The following ST6GAL1 variants were observed in gnomAD, a reference collection of about 807,000 sequenced individuals.
The protein encoded by ST6GAL1 is ST6 beta-galactoside alpha-2,6-sialyltransferase 1.
In ST6GAL1, 20 loss-of-function variants were observed where a neutral mutation model predicts 38.0. The observed-to-expected ratio is 0.53, with a 90% CI of 0.37 to 0.77. The LOEUF (loss-of-function observed/expected upper bound fraction) is 0.77. ST6GAL1 is among the 30% of genes least tolerant of loss of function. The pLI is 0.00. For synonymous variants in ST6GAL1, 196 were observed against 188.2 expected, an observed-to-expected ratio of 1.04 and a Z score of -0.34; for missense variants, 432 against 496.4, an observed-to-expected ratio of 0.87 and a Z score of 1.23.
intron 2 of ST6GAL1, among the ~76,000 whole-genome samples, chr3:186,968,403 T>C (rs1715225280): frequency 6.6e-6 from 1 of 152,212 alleles, no homozygotes; most frequent in Admixed American, 6.5e-5. Context: ...CATACTTAAA[T>C]TGTACAACTT....
chr3:186,943,375 C>T (rs1216032631), intron 1 of ST6GAL1, among the ~76,000 whole-genome samples: 1 of 152,216 alleles, frequency 6.6e-6, no homozygotes, highest in East Asian at 1.9e-4. Flanking sequence ...GGACTTGAGG[C>T]TGGAACCATT....
At chr3:187,009,659 TA>T (rs889637434) in intron 2 of ST6GAL1, among the ~76,000 whole-genome samples, 1 of 151,950 alleles carries the variant, frequency 6.6e-6, no homozygotes, top group Non-Finnish European at 1.5e-5. Flanking sequence ...ATAAATGTTT[TA>T]AAAGTAAAAA....
chr3:186,994,786 A>G (rs1579305440), intron 2 of ST6GAL1, among the ~76,000 whole-genome samples: 1 of 152,026 alleles, frequency 6.6e-6, no homozygotes, highest in East Asian at 1.9e-4. Flanking sequence ...TCTACTAAAA[A>G]CACAAAATTT....
intron 5 of ST6GAL1, among the ~76,000 whole-genome samples, chr3:187,057,467 G>A (rs976733585): frequency 6.6e-6 from 1 of 152,160 alleles, no homozygotes; most frequent in African/African-American, 2.4e-5. Flanking sequence ...TTTTGATGAT[G>A]GTTTTGGTGT....
chr3:186,981,973 C>G (rs1715711297), intron 2 of ST6GAL1, among the ~76,000 whole-genome samples: 1 of 151,788 alleles, frequency 6.6e-6, no homozygotes, highest in African/African-American at 2.4e-5. Flanking sequence ...TCTATTTTCT[C>G]ATTTAATTCT....
intron 2 of ST6GAL1, among the ~76,000 whole-genome samples, chr3:187,016,968 C>T (rs1284056100): frequency 6.6e-6 from 1 of 152,234 alleles, no homozygotes; most frequent in Non-Finnish European, 1.5e-5. Context: ...TCACTTTGGC[C>T]TACTAATCAA....
At chr3:187,029,660 G>A (rs148127443) in intron 2 of ST6GAL1, among the ~76,000 whole-genome samples, 7 of 152,334 alleles carry the variant, frequency 4.6e-5, no homozygotes, top group Middle Eastern at 3.4e-3. Context: ...AACTTGAAGT[G>A]AAATCAGTAA....
intron 2 of ST6GAL1, among the ~76,000 whole-genome samples, chr3:187,020,986 A>G (rs1272406176): frequency 2.0e-5 from 3 of 149,506 alleles, no homozygotes; most frequent in Admixed American, 2.0e-4. Context: ...TTTTTTTGAG[A>G]TGGAGTCTCG....
chr3:187,003,293 C>T (rs141099251), intron 2 of ST6GAL1, among the ~76,000 whole-genome samples: 2 of 152,184 alleles, frequency 1.3e-5, no homozygotes, highest in Non-Finnish European at 2.9e-5. Flanking sequence ...GGCCTTTAAC[C>T]GATTGGATAA....
At position 187,075,482 on chromosome 3, in the gene ST6GAL1, A is replaced by G. The variant is rs1362494121; in HGVS notation, c.980-80A>G. 1 of 1,562,760 alleles carries G rather than the reference A, an allele frequency of 6.4e-7. No individual in the cohort carries two copies. The highest frequency in any genetic ancestry group is 8.7e-7 in the Non-Finnish European group (1 of 1,152,536). On this transcript the variant is annotated intron_variant, in intron 7 of 7. Coordinates refer to ENST00000169298, the MANE Select transcript of ST6GAL1 (RefSeq NM_173216.2). The surrounding 1 kb of genome is among the most constrained non-coding windows in gnomAD (Gnocchi z 4.1). ...AAAGCTCTCCAAATTTGGGGTCATGAGCTGCTGAACCCACTGGGCAGAGCT... is the reference window on the plus strand; with the variant it reads ...AAAGCTCTCCAAATTTGGGGTCATGGGCTGCTGAACCCACTGGGCAGAGCT...
chr3:186,933,751 A>G (rs1713844040), intron 1 of ST6GAL1, among the ~76,000 whole-genome samples: 2 of 152,244 alleles, frequency 1.3e-5, no homozygotes, highest in Non-Finnish European at 2.9e-5. Flanking sequence ...GTAAAAGGGA[A>G]ATGGTTGCAT....
At chr3:187,031,093 A>T (rs1437501132) in intron 2 of ST6GAL1, among the ~76,000 whole-genome samples, 1 of 152,184 alleles carries the variant, frequency 6.6e-6, no homozygotes, top group Non-Finnish European at 1.5e-5. Flanking sequence ...CAAACAGATA[A>T]ATGTCACATA....
chr3:187,055,377 A>G (rs1351826054), intron 5 of ST6GAL1, among the ~76,000 whole-genome samples: 1 of 151,776 alleles, frequency 6.6e-6, no homozygotes, highest in Non-Finnish European at 1.5e-5. Flanking sequence ...TTGCTTCTCT[A>G]GTTCTTTTAA....
intron 2 of ST6GAL1, among the ~76,000 whole-genome samples, chr3:186,998,472 A>G (rs935685447): frequency 6.6e-6 from 1 of 152,176 alleles, no homozygotes; most frequent in Non-Finnish European, 1.5e-5. Context: ...GGATCCTCAT[A>G]AAGGTCTTCA....
chr3:186,951,743 A>G (rs1226838733), intron 1 of ST6GAL1, among the ~76,000 whole-genome samples: 1 of 152,226 alleles, frequency 6.6e-6, no homozygotes, highest in Non-Finnish European at 1.5e-5. Flanking sequence ...GAAAACTTTC[A>G]TACCTTTTGT....
chr3:187,010,083 G>A (rs894450983), intron 2 of ST6GAL1, among the ~76,000 whole-genome samples: 2 of 152,180 alleles, frequency 1.3e-5, no homozygotes, highest in Non-Finnish European at 2.9e-5. Flanking sequence ...AAGAGGACAA[G>A]TTAAATTGTC....
chr3:187,042,754 T>C lies in ST6GAL1; in HGVS notation c.51T>C (p.Phe17=). ...AGTTCAGCTGCTGCGTCCTGGTCTT[T>C]CTTCTGTTTGCAGTCATCTGTGTGT... ...KKKFSCCVLV[F]LLFAVICVWK... Residue 17 remains phenylalanine (F), a synonymous_variant, in exon 4 of 8, where the codon TTT becomes TTC. Transcript: ENST00000169298. 6.2e-7 allele frequency: 1 copy of C among 1,614,126 alleles called. No homozygotes were observed. Among genetic ancestry groups the C allele is most frequent in the Non-Finnish European group, 8.5e-7 (1 of 1,180,008 alleles).
chr3:187,026,649 C>T (rs74477803), intron 2 of ST6GAL1, among the ~76,000 whole-genome samples: 10,618 of 152,228 alleles, frequency 0.07, 518 homozygotes, highest in Non-Finnish European at 0.11. Flanking sequence ...AGACTAGAGC[C>T]TGAGTGAACT....
chr3:186,984,823 C>CT (rs1715844800), intron 2 of ST6GAL1, among the ~76,000 whole-genome samples: 1 of 38,878 alleles, frequency 2.6e-5, no homozygotes, highest in Admixed American at 2.9e-4. Flanking sequence ...TTCCTTCCTT[C>CT]CTTCCCTCCC....
Sources: gnomAD v4.1 joint callset for allele counts (sites outside exome capture counted in the v4.1 genomes callset) on GRCh38, gnomAD v4.1.1 for gene constraint, Gnocchi (gnomAD v3.1) non-coding constraint, MANE v1.5 for transcripts, NCBI Gene and HGNC (gene_info 2026-07-23, HGNC 2026-07-21) for gene names.